BRINP1: variants seen among roughly 807,000 people sequenced by gnomAD.
BRINP1 encodes BMP/retinoic acid inducible neural specific 1.
BRINP1 carries 17 observed loss-of-function variants against 72.9 expected under a neutral mutation model. The ratio of observed to expected loss-of-function variants is 0.23; its 90% CI spans 0.16 to 0.35. The LOEUF (loss-of-function observed/expected upper bound fraction) is 0.35, where lower values mean the gene tolerates loss of function less well. BRINP1 is among the 10% of genes least tolerant of loss of function. The pLI is 1.00. For synonymous variants in BRINP1, 418 were observed against 378.5 expected, an observed-to-expected ratio of 1.10 and a Z score of -1.21; for missense variants, 850 against 1,001.6, an observed-to-expected ratio of 0.85 and a Z score of 2.04.
At chr9:119,278,920 C>CA (rs1206547521) in intron 2 of BRINP1, among the ~76,000 whole-genome samples, 2 of 151,976 alleles carry the variant, frequency 1.3e-5, no homozygotes, top group Admixed American at 1.3e-4. Context: ...AACAAACAAA[C>CA]AAAAAACAAC....
chr9:119,270,045 G>C (rs1564234253), intron 2 of BRINP1, among the ~76,000 whole-genome samples: 1 of 152,114 alleles, frequency 6.6e-6, no homozygotes, highest in Non-Finnish European at 1.5e-5. Context: ...GTCAGGGTTG[G>C]ACTCATGGAG....
intron 2 of BRINP1, among the ~76,000 whole-genome samples, chr9:119,283,813 G>A (rs1447028722): frequency 3.3e-5 from 5 of 152,176 alleles, no homozygotes; most frequent in South Asian, 4.1e-4. Flanking sequence ...GATTACAGAC[G>A]TAAGCCACTG....
intron 2 of BRINP1, among the ~76,000 whole-genome samples, chr9:119,262,854 G>C (rs2118937507): frequency 6.6e-6 from 1 of 152,184 alleles, no homozygotes; most frequent in South Asian, 2.1e-4. Flanking sequence ...ACTTAGACTT[G>C]AAACATTTGA....
intron 1 of BRINP1, among the ~76,000 whole-genome samples, chr9:119,315,056 A>C (rs891959112): frequency 2.6e-5 from 4 of 152,086 alleles, no homozygotes; most frequent in African/African-American, 9.7e-5. Context: ...TTTTTTTATT[A>C]ATTTAAAAAA....
intron 7 of BRINP1, among the ~76,000 whole-genome samples, chr9:119,205,278 A>C (rs1829841692): frequency 6.6e-6 from 1 of 152,132 alleles, no homozygotes; most frequent in Non-Finnish European, 1.5e-5. Context: ...GGTACCTAGC[A>C]CTCAAAATTC....
intron 7 of BRINP1, among the ~76,000 whole-genome samples, chr9:119,201,765 C>T (rs1179505705): frequency 2.0e-5 from 3 of 152,136 alleles, no homozygotes; most frequent in African/African-American, 7.2e-5. Flanking sequence ...TCTTTAAATG[C>T]CTTTCAGTGG....
intron 7 of BRINP1, among the ~76,000 whole-genome samples, chr9:119,186,774 C>A (rs1029400299): frequency 6.6e-6 from 1 of 152,130 alleles, no homozygotes; most frequent in Non-Finnish European, 1.5e-5. Flanking sequence ...GCCAATATTG[C>A]ACTGCTATTT....
At chr9:119,238,022 T>G (rs1023987100) in intron 5 of BRINP1, among the ~76,000 whole-genome samples, 1 of 152,184 alleles carries the variant, frequency 6.6e-6, no homozygotes, top group African/African-American at 2.4e-5. Context: ...AACCTTTTAT[T>G]TATTAACATT....
chr9:119,207,575 C>T (rs568598561), intron 7 of BRINP1, among the ~76,000 whole-genome samples: 1 of 152,176 alleles, frequency 6.6e-6, no homozygotes, highest in Non-Finnish European at 1.5e-5. Context: ...TGCTACGATA[C>T]TCAAAATTGT....
chr9:119,316,253 A>AT (rs1831122685), intron 1 of BRINP1, among the ~76,000 whole-genome samples: 1 of 151,952 alleles, frequency 6.6e-6, no homozygotes, highest in African/African-American at 2.4e-5. Flanking sequence ...TGCCCATCTC[A>AT]TTTTTTGTAT....
At chr9:119,224,704 C>T (rs1001204040) in intron 5 of BRINP1, among the ~76,000 whole-genome samples, 5 of 152,006 alleles carry the variant, frequency 3.3e-5, no homozygotes, top group South Asian at 2.1e-4. Flanking sequence ...AGGAATATGC[C>T]ATTCTTATGA....
At chr9:119,195,607 C>CA (rs1157644760) in intron 7 of BRINP1, among the ~76,000 whole-genome samples, 1 of 152,206 alleles carries the variant, frequency 6.6e-6, no homozygotes, top group East Asian at 1.9e-4. Flanking sequence ...CCCTAAGCCA[C>CA]ATGGGGTAAA....
intron 6 of BRINP1, among the ~76,000 whole-genome samples, chr9:119,209,173 G>A (rs142456574): frequency 6.6e-6 from 1 of 152,236 alleles, no homozygotes; most frequent in African/African-American, 2.4e-5. Flanking sequence ...TTAAGACAGG[G>A]CTTCCCAAAC....
chr9:119,260,126 G>A (rs528020442), intron 2 of BRINP1, among the ~76,000 whole-genome samples: 15 of 152,234 alleles, frequency 9.9e-5, no homozygotes, highest in African/African-American at 2.4e-4. Context: ...CTGAATATCT[G>A]GCTCTATATC....
intron 3 of BRINP1, among the ~76,000 whole-genome samples, chr9:119,246,518 T>C (rs1299511827): frequency 6.6e-6 from 1 of 152,230 alleles, no homozygotes; most frequent in Non-Finnish European, 1.5e-5. Flanking sequence ...TGACCTATTA[T>C]GGGACCTTGT....
rs564433167 is a variant in BRINP1 at position 119,264,745 on chromosome 9, A to G, written c.219-15595T>C. Among the ~76,000 whole-genome samples the G allele has an allele frequency of 2.0e-5, 3 of 152,242 alleles. No homozygotes were observed. In the South Asian group the frequency reaches 6.2e-4, roughly 32 times the overall value. ...GAGTGCAGTGGCTCCATCTCAGCTC[A>G]CTGCAACCTCCGCCTCCCGGGTTCA... On this transcript the variant is annotated intron_variant, in intron 2 of 7. Transcript: ENST00000265922.
intron 1 of BRINP1, among the ~76,000 whole-genome samples, chr9:119,335,161 C>A (rs552831304): frequency 6.6e-6 from 1 of 152,274 alleles, no homozygotes; most frequent in South Asian, 2.1e-4. Context: ...TTACAGAAAT[C>A]CCAGAAGGGC....
chr9:119,342,062 C>A (rs754250037), intron 1 of BRINP1, among the ~76,000 whole-genome samples: 1 of 152,044 alleles, frequency 6.6e-6, no homozygotes, highest in Non-Finnish European at 1.5e-5. Flanking sequence ...GCCACCGCAC[C>A]CAGCCTGTAT....
chr9:119,235,169 A>T (rs1000500515), intron 5 of BRINP1, among the ~76,000 whole-genome samples: 8 of 152,094 alleles, frequency 5.3e-5, no homozygotes, highest in Non-Finnish European at 1.0e-4. Context: ...CTGTCCACAC[A>T]AGAGTCAGAA....
Sources: gnomAD v4.1 joint callset for allele counts (sites outside exome capture counted in the v4.1 genomes callset) on GRCh38, gnomAD v4.1.1 for gene constraint, MANE v1.5 for transcripts, NCBI Gene and HGNC (gene_info 2026-07-23, HGNC 2026-07-21) for gene names.